MEGF6: variants seen among roughly 807,000 people sequenced by gnomAD.
MEGF6 encodes the protein multiple epidermal growth factor-like domains protein 6.
Under a neutral mutation model 207.1 loss-of-function variants are expected in MEGF6, and 184 were observed. That is an observed-to-expected ratio of 0.89 (90% confidence interval 0.79 to 1.00). The LOEUF is 1.00. Ranked by LOEUF, MEGF6 falls within the 50% of genes least tolerant of loss-of-function variation. The pLI, the probability that MEGF6 is intolerant of heterozygous loss-of-function variation, is 0.00. For missense variants in MEGF6, 2,282 were observed against 2,202.9 expected (o/e 1.04, Z -0.72); for synonymous variants, 1,038 against 910.0 (o/e 1.14, Z -2.53).
chr1:3,607,783 C>T (rs1422603148), intron 1 of MEGF6, among the ~76,000 whole-genome samples: 1 of 152,230 alleles, frequency 6.6e-6, no homozygotes, highest in Non-Finnish European at 1.5e-5. Flanking sequence ...GGACCTGGTG[C>T]AGTCGGAGGC....
chr1:3,492,607 C>T (rs1640417679), intron 35 of MEGF6, 32 bp downstream of exon 35: 1 of 1,598,812 alleles, frequency 6.3e-7, no homozygotes, highest in Admixed American at 1.7e-5. Context: ...GGGATGGTGC[C>T]TTCCCGCCCT....
chr1:3,605,825 C>A (rs1049060407), intron 1 of MEGF6, among the ~76,000 whole-genome samples: 1 of 152,240 alleles, frequency 6.6e-6, no homozygotes, highest in African/African-American at 2.4e-5. Flanking sequence ...GGAAGAGGCA[C>A]TGGGGTGTGG....
At chr1:3,577,902 C>T (rs576074538) in intron 4 of MEGF6, among the ~76,000 whole-genome samples, 80 of 152,344 alleles carry the variant, frequency 5.3e-4, no homozygotes, top group African/African-American at 1.8e-3. Context: ...CTCCACGAGA[C>T]GCCGAGTTCC....
chr1:3,541,701 T>C lies in MEGF6; in HGVS notation c.482-17455A>G, dbSNP rs555042649. ...CCTCTCCCTGGGGACAGTGGGAACC[T>C]GGCAGTGCCCTCAGGCAGCAGGCAA... On this transcript the variant is annotated intron_variant, in intron 4 of 36. Coordinates refer to ENST00000356575, the MANE Select transcript of MEGF6 (RefSeq NM_001409.4). Among the ~76,000 whole-genome samples, 7 of 150,224 alleles carry C rather than the reference T, an allele frequency of 4.7e-5. No homozygotes were observed. The East Asian group carries it at 1.0e-3, about 22-fold the overall frequency.
Position 3,496,674 on chromosome 1 carries a change from G to T in MEGF6, c.3723C>A (p.Leu1241=). The T allele has an allele frequency of 6.4e-7, 1 of 1,571,260 alleles. No individual in the cohort carries two copies. Among genetic ancestry groups the T allele is most frequent in the East Asian group, 2.4e-5 (1 of 42,094 alleles). ...TGACRCPTGF[L]GTDCNLTCPQ... Reference sequence around the variant, plus strand: ...ACTCACTGAGGTTGCAGTCCGTCCCGAGGAACCCAGTGGGGCAGCGGCAGG... The same window carrying T: ...ACTCACTGAGGTTGCAGTCCGTCCCTAGGAACCCAGTGGGGCAGCGGCAGG... Residue 1241 remains leucine (L), a synonymous_variant, in exon 29 of 37, where the codon CTC becomes CTA. Transcript: ENST00000356575.
chr1:3,545,963 C>G (rs969134156), intron 4 of MEGF6, among the ~76,000 whole-genome samples: 1 of 152,136 alleles, frequency 6.6e-6, no homozygotes, highest in Non-Finnish European at 1.5e-5. Context: ...CCAAACGGCT[C>G]GCAGCTGGAC....
Position 3,501,984 on chromosome 1 carries a change from C to T in MEGF6, c.2189-63G>A, listed in dbSNP as rs542097769. ...GTGGAGTGGACTGACCAGAGCCTTTCCCCCAGGGGCTCCTGGTGAGTGTGC... is the reference window on the plus strand; with the variant it reads ...GTGGAGTGGACTGACCAGAGCCTTTTCCCCAGGGGCTCCTGGTGAGTGTGC... On this transcript the variant is annotated intron_variant, in intron 17 of 36. Coordinates refer to ENST00000356575, the MANE Select transcript of MEGF6 (RefSeq NM_001409.4). 2.6e-5 allele frequency: 40 copies of T among 1,563,552 alleles called. 1 individual carries two copies. The African/African-American group carries it at 4.2e-4, about 16-fold the overall frequency.
In MEGF6 at chr1:3,512,109, T is replaced by G. The variant is rs1641374279; in HGVS notation, c.873A>C (p.Ala291=). Residue 291 remains alanine (A), a synonymous_variant, in exon 8 of 37, where the codon GCA becomes GCC. Transcript: ENST00000356575. Reference sequence around the variant, plus strand: ...AGCCATGGGCACACTGGGCCAGCCCTGCGGCACATTCGTCCACATCTGGAG... The same window carrying G: ...AGCCATGGGCACACTGGGCCAGCCCGGCGGCACATTCGTCCACATCTGGAG... ...KACEDVDECA[A]GLAQCAHGCL... 1 of 1,608,664 alleles carries G rather than the reference T, an allele frequency of 6.2e-7. No homozygotes were observed. Among genetic ancestry groups the G allele is most frequent in the Non-Finnish European group, 8.5e-7 (1 of 1,176,972 alleles).
rs1177683380 is a variant in MEGF6 at position 3,560,257 on chromosome 1, C to A, written c.481+19568G>T. ...CACATAATTTCCTGTATCATTCAATCCTCCATTGGAATGACCGCTTGGTAC... is the reference window on the plus strand; with the variant it reads ...CACATAATTTCCTGTATCATTCAATACTCCATTGGAATGACCGCTTGGTAC... On this transcript the variant is annotated intron_variant, in intron 4 of 36. Transcript: ENST00000356575. The surrounding 1 kb of genome is among the most constrained non-coding windows in gnomAD (Gnocchi z 4.0). Among the ~76,000 whole-genome samples, 1 of 152,132 alleles carries A rather than the reference C, an allele frequency of 6.6e-6. No individual in the cohort carries two copies. The highest frequency in any genetic ancestry group is 2.4e-5 in the African/African-American group (1 of 41,416).
intron 12 of MEGF6, 139 bp from the exon 13 acceptor site, chr1:3,508,828 G>A (rs1171552598): frequency 5.1e-6 from 6 of 1,184,154 alleles, no homozygotes; most frequent in East Asian, 2.5e-5. Context: ...AGGGTGACAT[G>A]GGGACAGATG....
intron 3 of MEGF6, among the ~76,000 whole-genome samples, chr1:3,592,712 C>T (rs1160633502): frequency 6.6e-6 from 1 of 152,048 alleles, no homozygotes; most frequent in East Asian, 1.9e-4. Flanking sequence ...CCACCCACCG[C>T]CCCCCTCACT....
chr1:3,598,579 C>A (rs1053630577), intron 2 of MEGF6, among the ~76,000 whole-genome samples: 9 of 152,188 alleles, frequency 5.9e-5, no homozygotes, highest in East Asian at 3.9e-4. Flanking sequence ...TCCATCCCCC[C>A]AAAAGGGAAT....
chr1:3,510,055 C>A (rs1393118481), intron 10 of MEGF6, 63 bp from the exon 11 acceptor site: 4 of 1,539,488 alleles, frequency 2.6e-6, no homozygotes, highest in Admixed American at 2.0e-5. Context: ...AAGGCCCCTG[C>A]CCACCCAGTC....
At chr1:3,498,259 A>G in intron 26 of MEGF6, 112 bp downstream of exon 26, 16 of 1,332,170 alleles carry the variant, frequency 1.2e-5, no homozygotes, top group Non-Finnish European at 1.5e-5. Flanking sequence ...ACAGGACAAC[A>G]GGTCCCCTGG....
intron 4 of MEGF6, among the ~76,000 whole-genome samples, chr1:3,538,978 G>C (rs1345906551): frequency 6.6e-6 from 1 of 152,220 alleles, no homozygotes; most frequent in African/African-American, 2.4e-5. Context: ...GTACTCAGAG[G>C]AGTGATCCGG....
intron 3 of MEGF6, among the ~76,000 whole-genome samples, chr1:3,582,892 C>T (rs1279892252): frequency 2.6e-5 from 4 of 152,242 alleles, no homozygotes; most frequent in Admixed American, 1.3e-4. Flanking sequence ...GTTGGGGTGA[C>T]AGCTCACTTC....
At chr1:3,548,534 CA>C (rs1411492694) in intron 4 of MEGF6, among the ~76,000 whole-genome samples, 2 of 152,344 alleles carry the variant, frequency 1.3e-5, no homozygotes, top group African/African-American at 4.8e-5. Flanking sequence ...CCAAGGTGCC[CA>C]GGGTCCCCTG....
At position 3,509,996 on chromosome 1, in the gene MEGF6, C is replaced by G; in HGVS notation, c.1235-4G>C. On this transcript the variant is annotated splice_polypyrimidine_tract_variant and splice_region_variant and intron_variant, in intron 10 of 36. Transcript: ENST00000356575. ...CTGGAGGCGCACTCATCCACATCTG[C>G]GGGCGACCCGGGACCACTGAGGCCT... 1 of 1,581,108 alleles carries G rather than the reference C, an allele frequency of 6.3e-7. No individual in the cohort carries two copies. The highest frequency in any genetic ancestry group is 8.5e-7 in the Non-Finnish European group (1 of 1,171,128).
chr1:3,504,764 C>T (rs550471970), intron 17 of MEGF6, among the ~76,000 whole-genome samples: 19 of 152,178 alleles, frequency 1.2e-4, no homozygotes, highest in Non-Finnish European at 2.4e-4. Context: ...CCTGCAGCCA[C>T]GACCCCAGGC....
Sources: allele counts gnomAD v4.1 joint callset (sites outside exome capture counted in the v4.1 genomes callset), GRCh38; gene constraint gnomAD v4.1.1; non-coding constraint Gnocchi (gnomAD v3.1); transcripts MANE v1.5; gene names NCBI Gene and HGNC (gene_info 2026-07-23, HGNC 2026-07-21).